DOCK8: variants seen among roughly 807,000 people sequenced by gnomAD.
The protein encoded by DOCK8 is dedicator of cytokinesis protein 8.
In DOCK8, 141 loss-of-function variants were observed where a neutral mutation model predicts 245.6. That is an observed-to-expected ratio of 0.57 (90% CI 0.50 to 0.66). The LOEUF is 0.66. Among genes scored for constraint, DOCK8 ranks in the 30% least tolerant of loss-of-function variants. DOCK8 has a pLI of 0.00. For synonymous variants in DOCK8, 1,168 were observed against 970.2 expected (o/e 1.20, Z -3.79); for missense variants, 2,965 against 2,603.4 (o/e 1.14, Z -3.02).
In DOCK8 at chr9:428,800, T is replaced by C. The variant is rs2056597267; in HGVS notation, c.4473+304T>C. Reference sequence around the variant, plus strand: ...ACTGAGTGACTTAGCAATTTCACTCTTTCTCTGTAATACCTCTGCTGAGTG... The same window carrying C: ...ACTGAGTGACTTAGCAATTTCACTCCTTCTCTGTAATACCTCTGCTGAGTG... On this transcript the variant is annotated intron_variant, in intron 35 of 47. Coordinates refer to ENST00000432829, the MANE Select transcript of DOCK8 (RefSeq NM_203447.4). 2.6e-5 allele frequency among the ~76,000 whole-genome samples: 4 copies of C among 152,200 alleles called. No homozygotes were observed. The South Asian group carries it at 8.3e-4, about 31-fold the overall frequency.
At chr9:230,394 A>G (rs537951285) in intron 1 of DOCK8, among the ~76,000 whole-genome samples, 2 of 152,254 alleles carry the variant, frequency 1.3e-5, no homozygotes, top group African/African-American at 4.8e-5. Flanking sequence ...AGCATGATTT[A>G]TAGTCCTTTG....
intron 44 of DOCK8, 31 bp downstream of exon 44, chr9:446,637 G>T (rs761633423): frequency 3.1e-6 from 5 of 1,605,294 alleles, no homozygotes; most frequent in East Asian, 2.2e-5. Flanking sequence ...GCCACCACTG[G>T]ATGAGTGGGC....
intron 1 of DOCK8, 53 bp downstream of exon 1, chr9:215,082 GT>G: frequency 6.5e-7 from 1 of 1,530,534 alleles, no homozygotes; most frequent in Non-Finnish European, 8.7e-7. Flanking sequence ...CAGCGCTGGT[GT>G]GAAGCGGAGC....
intron 1 of DOCK8, among the ~76,000 whole-genome samples, chr9:228,730 G>C (rs1028266958): frequency 6.6e-6 from 1 of 152,138 alleles, no homozygotes; most frequent in African/African-American, 2.4e-5. Flanking sequence ...CCAAAGTTTA[G>C]TGACTTAAAA....
chr9:338,091 T>A (rs892000576), intron 12 of DOCK8, among the ~76,000 whole-genome samples: 2 of 151,674 alleles, frequency 1.3e-5, no homozygotes, highest in African/African-American at 2.4e-5. Flanking sequence ...GAGGTGGAGG[T>A]TGCAGTGAGC....
chr9:360,957 C>T (rs776248629), intron 14 of DOCK8, among the ~76,000 whole-genome samples: 1 of 152,004 alleles, frequency 6.6e-6, no homozygotes, highest in African/African-American at 2.4e-5. Flanking sequence ...CCCAGGAGTT[C>T]GAGACCAGCC....
chr9:372,040 G>C (rs1158803957), intron 17 of DOCK8, 145 bp from the exon 18 acceptor site: 5 of 746,086 alleles, frequency 6.7e-6, no homozygotes, highest in East Asian at 2.7e-5. Flanking sequence ...AAAATGCAAA[G>C]AACTGGACAG....
chr9:276,188 G>C (rs1371811257), intron 2 of DOCK8, among the ~76,000 whole-genome samples: 2 of 146,050 alleles, frequency 1.4e-5, no homozygotes, highest in African/African-American at 5.2e-5. Flanking sequence ...ACTGCGCTCG[G>C]CCCATTTAAA....
At chr9:437,228 G>T (rs1446703403) in intron 39 of DOCK8, among the ~76,000 whole-genome samples, 2 of 152,202 alleles carry the variant, frequency 1.3e-5, no homozygotes, top group Non-Finnish European at 2.9e-5. Context: ...GGACCTAGGG[G>T]CCCAAACAAT....
At chr9:355,306 C>T (rs1266045267) in intron 14 of DOCK8, among the ~76,000 whole-genome samples, 1 of 150,370 alleles carries the variant, frequency 6.7e-6, no homozygotes, top group Non-Finnish European at 1.5e-5. Context: ...CTGGTACAAG[C>T]GATTCCCCTG....
intron 36 of DOCK8, among the ~76,000 whole-genome samples, chr9:430,279 CAGG>C (rs2131719452): frequency 1.3e-5 from 2 of 152,238 alleles, no homozygotes; most frequent in East Asian, 3.9e-4. Context: ...GAGGCTGAGG[CAGG>C]AGAATTGCTT....
chr9:231,476 C>G (rs576342495), intron 1 of DOCK8, among the ~76,000 whole-genome samples: 105 of 152,200 alleles, frequency 6.9e-4, no homozygotes, highest in African/African-American at 1.4e-3. Context: ...GCTTGAATCT[C>G]TAAATTACCT....
At chr9:301,439 A>G (rs993799307) in intron 4 of DOCK8, among the ~76,000 whole-genome samples, 1 of 152,250 alleles carries the variant, frequency 6.6e-6, no homozygotes, top group Non-Finnish European at 1.5e-5. Context: ...CTGGAACAAA[A>G]CAAGGATGCC....
In DOCK8 at chr9:386,094, T is replaced by G. The variant is rs9650706; in HGVS notation, c.2779-237T>G. Among the ~76,000 whole-genome samples the G allele has an allele frequency of 0.27, 41,593 of 152,068 alleles. 5,934 individuals carry two copies. Among genetic ancestry groups the G allele is most frequent in the African/African-American group, 0.31 (12,846 of 41,450 alleles). ...AGCAGCCCAGATTCTTAAATAGTTT[T>G]TAACTGTAGGTTGCTACACACAAAC... On this transcript the variant is annotated intron_variant, in intron 22 of 47. Coordinates refer to ENST00000432829, the MANE Select transcript of DOCK8 (RefSeq NM_203447.4).
At chr9:410,462 G>A (rs1258208458) in intron 28 of DOCK8, among the ~76,000 whole-genome samples, 1 of 152,024 alleles carries the variant, frequency 6.6e-6, no homozygotes, top group East Asian at 1.9e-4. Flanking sequence ...TGACATTTGG[G>A]CTGCTTTCTA....
chr9:371,678 C>A, intron 17 of DOCK8, 112 bp downstream of exon 17: 2 of 1,431,934 alleles, frequency 1.4e-6, no homozygotes, highest in African/African-American at 2.8e-5. Flanking sequence ...TCAGAAGTAG[C>A]AAAACATGCT....
rs931214443 is a variant in DOCK8 at position 295,788 on chromosome 9, A to G, written c.404+6207A>G. Among the ~76,000 whole-genome samples, 11 of 152,280 alleles carry G rather than the reference A, an allele frequency of 7.2e-5. No homozygotes were observed. The East Asian group carries it at 2.1e-3, about 29-fold the overall frequency. On this transcript the variant is annotated intron_variant, in intron 4 of 47. Transcript: ENST00000432829. ...GTGGTAATGGTTTTGAATCCCACTT[A>G]GGGGGCAGAGGAGTAGAGTAATGGC...
chr9:429,937 A>T, intron 36 of DOCK8, 83 bp downstream of exon 36: 1 of 1,538,518 alleles, frequency 6.5e-7, no homozygotes, highest in East Asian at 2.3e-5. Context: ...AAAATAAGGA[A>T]ATTTTGCAGT....
chr9:336,846 C>A, intron 12 of DOCK8, 128 bp downstream of exon 12: 1 of 1,127,372 alleles, frequency 8.9e-7, no homozygotes, highest in Non-Finnish European at 1.3e-6. Flanking sequence ...AGTTCATTTT[C>A]TGCTGCTTAT....
Sources: gnomAD v4.1 joint callset for allele counts (sites outside exome capture counted in the v4.1 genomes callset) on GRCh38, gnomAD v4.1.1 for gene constraint, MANE v1.5 for transcripts, NCBI Gene and HGNC (gene_info 2026-07-23, HGNC 2026-07-21) for gene names.